Variants in ZNF443 observed in about 807,000 individuals in gnomAD.
ZNF443 encodes the protein zinc finger protein 443, also known as Kruppel-type zinc finger (C2H2).
ZNF443 carries 3 observed loss-of-function variants against 12.0 expected under a neutral mutation model. That is an observed-to-expected ratio of 0.25 (90% CI 0.11 to 0.64). ZNF443 has a LOEUF of 0.64. ZNF443 is among the 30% of genes least tolerant of loss of function. The pLI, the probability that ZNF443 is intolerant of heterozygous loss-of-function variation, is 0.84. For synonymous variants in ZNF443, 225 were observed against 265.9 expected (o/e 0.85, Z 1.50); for missense variants, 770 against 808.8 (o/e 0.95, Z 0.58).
chr19:12,435,580 G>A (rs1970301085), intron 1 of ZNF443, among the ~76,000 whole-genome samples: 1 of 152,112 alleles, frequency 6.6e-6, no homozygotes, highest in African/African-American at 2.4e-5. Context: ...TTTCGCTTCT[G>A]GCTGATCTGT....
At chr19:12,433,958 G>A (rs968527337) in intron 1 of ZNF443, among the ~76,000 whole-genome samples, 13 of 152,066 alleles carry the variant, frequency 8.5e-5, no homozygotes, top group African/African-American at 2.9e-4. Flanking sequence ...GCTATCTCAT[G>A]TCCTTCTGAG....
At chr19:12,434,863 A>G (rs1970292946) in intron 1 of ZNF443, among the ~76,000 whole-genome samples, 1 of 151,954 alleles carries the variant, frequency 6.6e-6, no homozygotes, top group African/African-American at 2.4e-5. Flanking sequence ...CTAACTCTAG[A>G]GACAGCAGAT....
At chr19:12,433,345 TCA>T (rs1158209243) in intron 1 of ZNF443, 148 bp from the exon 2 acceptor site, 1 of 1,453,918 alleles carries the variant, frequency 6.9e-7, no homozygotes, top group Non-Finnish European at 9.0e-7. Context: ...CTGTCTACAC[TCA>T]CTTTCTCCTA....
intron 1 of ZNF443, among the ~76,000 whole-genome samples, chr19:12,437,935 T>C (rs375072683): frequency 2.3e-5 from 2 of 86,344 alleles, no homozygotes; most frequent in Non-Finnish European, 4.6e-5. Flanking sequence ...CTATTAAAAA[T>C]ACAAAAAAAA....
Position 12,430,926 on chromosome 19 carries a change from T to C in ZNF443, c.1246A>G (p.Thr416Ala), listed in dbSNP as rs748805713. ...TTGCATTTATGAGGTCCATCTCCAG[T>C]GTGCATTATCATATGACTTCGAAAG... Reference protein sequence around the residue: ...SSFRSHMIMHTGDGPHKCKVC... With the variant: ...SSFRSHMIMHAGDGPHKCKVC... Residue 416 changes from threonine (T) to alanine (A), a missense_variant, in exon 4 of 4, where the codon ACT (threonine) becomes GCT (alanine). This residue lies in a region of ZNF443 where 736 missense variants were observed against 689.4 expected (regional missense o/e 1.07). Coordinates refer to ENST00000301547, the MANE Select transcript of ZNF443 (RefSeq NM_005815.5). 14 of 1,614,114 alleles carry C rather than the reference T, an allele frequency of 8.7e-6. No homozygotes were observed. The East Asian group carries it at 1.6e-4, about 18-fold the overall frequency.
At chr19:12,437,407 CAAA>C (rs565623288) in intron 1 of ZNF443, among the ~76,000 whole-genome samples, 1 of 75,340 alleles carries the variant, frequency 1.3e-5, no homozygotes, top group African/African-American at 6.1e-5. Context: ...GAACCTGTCT[CAAA>C]AAAAAAAAAG....
At position 12,430,549 on chromosome 19, in the gene ZNF443, GA is replaced by G. The variant is rs537153476; in HGVS notation, c.1622del (p.Phe541SerfsTer7). On this transcript the variant is annotated frameshift_variant, in exon 4 of 4. Transcript: ENST00000301547. LOFTEE classifies it low-confidence loss of function (END_TRUNC). ...PYECKTCRKA[F>X]GHYDNLKVHE... ...GTACCTTTAAGTTATCATAATGACC[GA>G]AGGCTTTCCTACATGTTTTACACTC... 303 of 1,613,810 alleles carry G rather than the reference GA, an allele frequency of 1.9e-4. No homozygotes were observed. In the African/African-American group the frequency reaches 3.5e-3, roughly 18 times the overall value.
intron 1 of ZNF443, among the ~76,000 whole-genome samples, chr19:12,433,993 A>T (rs7256159): frequency 0.33 from 49,798 of 151,798 alleles, 8,540 homozygotes; most frequent in South Asian, 0.47. Context: ...TGAGCTAGAC[A>T]CTCAGCTCCC....
rs766571371 is a variant in ZNF443, at chr19:12,440,920, G to C, written c.-6C>G. 7.4e-6 allele frequency: 12 copies of C among 1,614,028 alleles called. No homozygotes were observed. The highest frequency in any genetic ancestry group is 3.3e-4 in the Middle Eastern group (2 of 6,062). ...CGGCCCAGCACACGCACCATTTCCC[G>C]ACTTCCGCGGTGTCCCAGGTCCTAC... On this transcript the variant is annotated 5_prime_UTR_variant, in exon 1 of 4. Coordinates refer to ENST00000301547, the MANE Select transcript of ZNF443 (RefSeq NM_005815.5).
At position 12,431,094 on chromosome 19, in the gene ZNF443, T is replaced by A; in HGVS notation, c.1078A>T (p.Thr360Ser). Residue 360 changes from threonine to serine, a missense_variant, in exon 4 of 4, where the codon ACT (threonine) becomes TCT (serine). This residue lies in a region of ZNF443 where 736 missense variants were observed against 689.4 expected (regional missense o/e 1.07). Transcript: ENST00000301547. ...TTACATTTATGAGGTCCATTTCCAG[T>A]GTGCCTTATCATGTGTCTTTGAAAG... is the stretch of plus-strand genomic sequence containing the variant. ...GSFQRHMIRH[T>S]GNGPHKCKIC... is the part of the protein sequence containing the mutation. 1 of 1,614,162 alleles carries A rather than the reference T, an allele frequency of 6.2e-7. No homozygotes were observed. Among genetic ancestry groups the A allele is most frequent in the South Asian group, 1.1e-5 (1 of 91,074 alleles).
intron 1 of ZNF443, among the ~76,000 whole-genome samples, chr19:12,438,706 C>T (rs1358022947): frequency 6.6e-6 from 1 of 151,942 alleles, no homozygotes; most frequent in Non-Finnish European, 1.5e-5. Context: ...ACCTGAGAAA[C>T]GTACTACACA....
At position 12,430,552 on chromosome 19, in the gene ZNF443, G is replaced by A. The variant is rs763374594; in HGVS notation, c.1620C>T (p.Ala540=). The A allele has an allele frequency of 9.0e-5, 146 of 1,613,884 alleles. No homozygotes were observed. Among genetic ancestry groups the A allele is most frequent in the Non-Finnish European group, 1.2e-4 (145 of 1,180,004 alleles). ...CCTTTAAGTTATCATAATGACCGAAGGCTTTCCTACATGTTTTACACTCAT... is the reference window on the plus strand; with the variant it reads ...CCTTTAAGTTATCATAATGACCGAAAGCTTTCCTACATGTTTTACACTCAT... The part of the protein sequence containing the change: ...KPYECKTCRK[A]FGHYDNLKVH... The change falls in exon 4 of 4, where the codon GCC becomes GCT. Residue 540 remains alanine, a synonymous_variant. Coordinates refer to ENST00000301547, the MANE Select transcript of ZNF443 (RefSeq NM_005815.5).
rs754826927 is a variant in ZNF443 at position 12,430,413 on chromosome 19, A to C, written c.1759T>G (p.Ser587Ala). Residue 587 changes from serine to alanine, a missense_variant, in exon 4 of 4, where the codon TCC becomes GCC. By Grantham distance (99) the Ser-to-Ala change is moderately conservative. This residue lies in a region of ZNF443 where 736 missense variants were observed against 689.4 expected (regional missense o/e 1.07). Transcript: ENST00000301547. Reference protein sequence around the residue: ...RHERIHMREKSYECPQCGKAF... With the variant: ...RHERIHMREKAYECPQCGKAF... ...TTACCACATTGTGGACATTCATAGG[A>C]TTTCTCTCTCATGTGAATTCTTTCA... is the stretch of plus-strand genomic sequence containing the variant. 1.1e-5 allele frequency: 17 copies of C among 1,573,356 alleles called. No individual in the cohort carries two copies. Among genetic ancestry groups the C allele is most frequent in the Non-Finnish European group, 1.7e-6 (2 of 1,159,086 alleles).
intron 1 of ZNF443, among the ~76,000 whole-genome samples, chr19:12,438,899 C>G (rs1291160569): frequency 6.6e-6 from 1 of 152,184 alleles, no homozygotes; most frequent in African/African-American, 2.4e-5. Flanking sequence ...AATCTCTAAT[C>G]ATAGGATGTA....
chr19:12,430,882 A>G lies in ZNF443; in HGVS notation c.1290T>C (p.Phe430=), dbSNP rs1233931460. Residue 430 remains phenylalanine, a synonymous_variant, in exon 4 of 4, where the codon TTT becomes TTC. Coordinates refer to ENST00000301547, the MANE Select transcript of ZNF443 (RefSeq NM_005815.5). Reference sequence around the variant, plus strand: ...GTCTTTGAAATACACTGGGATAAACAAAGGCTTTCCCACATACCTTGCATT... The same window carrying G: ...GTCTTTGAAATACACTGGGATAAACGAAGGCTTTCCCACATACCTTGCATT... ...PHKCKVCGKA[F]VYPSVFQRHE... 1.2e-6 allele frequency: 2 copies of G among 1,613,964 alleles called. No individual in the cohort carries two copies. The highest frequency in any genetic ancestry group is 1.7e-5 in the Admixed American group (1 of 60,000).
At chr19:12,436,425 A>T (rs1197214255) in intron 1 of ZNF443, among the ~76,000 whole-genome samples, 1 of 151,488 alleles carries the variant, frequency 6.6e-6, no homozygotes, top group African/African-American at 2.4e-5. Flanking sequence ...GGTTGCAGTG[A>T]GCCGAGATCG....
At position 12,430,546 on chromosome 19, in the gene ZNF443, A is replaced by T. The variant is rs1568236745; in HGVS notation, c.1626T>A (p.Gly542=). Residue 542 remains glycine (G), a synonymous_variant, in exon 4 of 4, where the codon GGT becomes GGA. Transcript: ENST00000301547. ...YECKTCRKAF[G]HYDNLKVHER... ...CATGTACCTTTAAGTTATCATAATG[A>T]CCGAAGGCTTTCCTACATGTTTTAC... is the stretch of plus-strand genomic sequence containing the variant. The T allele has an allele frequency of 6.2e-7, 1 of 1,614,090 alleles. No homozygotes were observed. The highest frequency in any genetic ancestry group is 8.5e-7 in the Non-Finnish European group (1 of 1,179,994).
chr19:12,438,520 TA>T (rs1203325808), intron 1 of ZNF443, among the ~76,000 whole-genome samples: 1 of 152,206 alleles, frequency 6.6e-6, no homozygotes, highest in Non-Finnish European at 1.5e-5. Flanking sequence ...TCCACCCTTT[TA>T]AAAAGGAGAA....
At position 12,440,918 on chromosome 19, in the gene ZNF443, C is replaced by T. The variant is rs367618593; in HGVS notation, c.-4G>A. The T allele has an allele frequency of 2.0e-5, 32 of 1,614,020 alleles. No homozygotes were observed. In the African/African-American group the frequency reaches 4.1e-4, roughly 21 times the overall value. Reference sequence around the variant, plus strand: ...GCCGGCCCAGCACACGCACCATTTCCCGACTTCCGCGGTGTCCCAGGTCCT... The same window carrying T: ...GCCGGCCCAGCACACGCACCATTTCTCGACTTCCGCGGTGTCCCAGGTCCT... On this transcript the variant is annotated 5_prime_UTR_variant, in exon 1 of 4. Coordinates refer to ENST00000301547, the MANE Select transcript of ZNF443 (RefSeq NM_005815.5).
Sources: gnomAD v4.1 joint callset for allele counts (sites outside exome capture counted in the v4.1 genomes callset) on GRCh38, gnomAD v4.1.1 for gene constraint, gnomAD v4.1.1 regional missense constraint, MANE v1.5 for transcripts, NCBI Gene and HGNC (gene_info 2026-07-23, HGNC 2026-07-21) for gene names.